The following GTF2B variants were observed in gnomAD, a reference collection of about 807,000 sequenced individuals.
The protein encoded by GTF2B is transcription initiation factor IIB.
In GTF2B, 20 loss-of-function variants were observed where a neutral mutation model predicts 34.6. The ratio of observed to expected loss-of-function variants is 0.58; its 90% confidence interval spans 0.41 to 0.84. The LOEUF is 0.84. Ranked by LOEUF, GTF2B falls within the 40% of genes least tolerant of loss-of-function variation. GTF2B has a pLI of 0.00. For missense variants in GTF2B, 237 were observed against 393.3 expected, an observed-to-expected ratio of 0.60 and a Z score of 3.36; for synonymous variants, 142 against 132.4, an observed-to-expected ratio of 1.07 and a Z score of -0.50.
At chr1:88,880,217 A>T (rs1442283236) in intron 2 of GTF2B, among the ~76,000 whole-genome samples, 1 of 152,254 alleles carries the variant, frequency 6.6e-6, no homozygotes, top group Non-Finnish European at 1.5e-5. Context: ...ATACCAAGAT[A>T]ATTTATTAGG....
chr1:88,890,847 T>C (rs1265942210), intron 1 of GTF2B, among the ~76,000 whole-genome samples: 1 of 152,114 alleles, frequency 6.6e-6, no homozygotes, highest in Non-Finnish European at 1.5e-5. Context: ...TAATTTTCTT[T>C]GGCAAGATTT....
chr1:88,877,625 G>A (rs1441260338), intron 2 of GTF2B, among the ~76,000 whole-genome samples: 3 of 152,186 alleles, frequency 2.0e-5, no homozygotes, highest in Non-Finnish European at 4.4e-5. Flanking sequence ...CCCCACAAAA[G>A]AGTGCTGTTA....
At chr1:88,890,708 G>A (rs977066175) in intron 1 of GTF2B, among the ~76,000 whole-genome samples, 3 of 152,030 alleles carry the variant, frequency 2.0e-5, no homozygotes, top group East Asian at 3.9e-4. Flanking sequence ...ACATAATTAG[G>A]GTCTGCAAGC....
chr1:88,862,600 C>T (rs1042477878), intron 3 of GTF2B, among the ~76,000 whole-genome samples: 1 of 152,148 alleles, frequency 6.6e-6, no homozygotes, highest in East Asian at 1.9e-4. Context: ...GTAATCCCAG[C>T]ACTTTGGGTG....
At chr1:88,875,852 G>C (rs967946100) in intron 2 of GTF2B, among the ~76,000 whole-genome samples, 3 of 152,126 alleles carry the variant, frequency 2.0e-5, no homozygotes, top group Non-Finnish European at 4.4e-5. Context: ...GCTTAACTGA[G>C]ACATATGGTA....
rs1434025935 is a variant in GTF2B, at chr1:88,871,867, G to T, written c.125-7753C>A. Among the ~76,000 whole-genome samples the T allele has an allele frequency of 2.0e-5, 3 of 151,976 alleles. No homozygotes were observed. In the South Asian group the frequency reaches 6.2e-4, roughly 32 times the overall value. ...CTAATTCAGCCTCCCGAGTAGCTGG[G>T]ATTACAGGCATCCACCACCACGCCC... On this transcript the variant is annotated intron_variant, in intron 2 of 6. Coordinates refer to ENST00000370500, the MANE Select transcript of GTF2B (RefSeq NM_001514.6).
At chr1:88,856,287 A>AAAAAAAAAAAAAAAAAAAAG (rs1673309532) in intron 6 of GTF2B, among the ~76,000 whole-genome samples, 1 of 100,984 alleles carries the variant, frequency 9.9e-6, no homozygotes, top group East Asian at 2.1e-4. Flanking sequence ...AAAAAAAAAA[A>AAAAAAAAAAAAAAAAAAAAG]AAACAAAAAA....
intron 2 of GTF2B, among the ~76,000 whole-genome samples, chr1:88,865,469 C>A (rs1673527612): frequency 6.6e-6 from 1 of 152,198 alleles, no homozygotes; most frequent in Admixed American, 6.5e-5. Flanking sequence ...GGCCTGTAAT[C>A]CCAGCACTTT....
At chr1:88,891,452 C>G in intron 1 of GTF2B, 31 bp downstream of exon 1, 3 of 1,589,802 alleles carry the variant, frequency 1.9e-6, no homozygotes, top group Non-Finnish European at 2.6e-6. Flanking sequence ...GCCCGCCCCT[C>G]AGCTCGCCGG....
chr1:88,869,960 C>T (rs1218305348), intron 2 of GTF2B, among the ~76,000 whole-genome samples: 2 of 149,720 alleles, frequency 1.3e-5, no homozygotes, highest in African/African-American at 4.9e-5. Flanking sequence ...TGGAGTTTCG[C>T]CCTGTCACCC....
intron 6 of GTF2B, among the ~76,000 whole-genome samples, chr1:88,855,151 A>G (rs1673274226): frequency 6.6e-6 from 1 of 152,196 alleles, no homozygotes; most frequent in Non-Finnish European, 1.5e-5. Flanking sequence ...CAACTTCTCA[A>G]TTTTACTAAA....
At chr1:88,878,063 G>A (rs764941663) in intron 2 of GTF2B, among the ~76,000 whole-genome samples, 8 of 152,182 alleles carry the variant, frequency 5.3e-5, no homozygotes, top group Non-Finnish European at 8.8e-5. Flanking sequence ...AAGGCCAGAC[G>A]TTCAAGACCA....
intron 1 of GTF2B, among the ~76,000 whole-genome samples, chr1:88,889,232 T>C (rs971204016): frequency 3.4e-4 from 52 of 152,340 alleles, no homozygotes; most frequent in African/African-American, 1.1e-3. Context: ...TTTTAGTCTA[T>C]TGCAATTTTG....
chr1:88,889,117 T>C (rs1674138892), intron 1 of GTF2B, among the ~76,000 whole-genome samples: 1 of 152,220 alleles, frequency 6.6e-6, no homozygotes, highest in Non-Finnish European at 1.5e-5. Context: ...ATACATTTGT[T>C]AAAGCATAAA....
chr1:88,856,007 T>C (rs1299157884), intron 6 of GTF2B, among the ~76,000 whole-genome samples: 1 of 152,140 alleles, frequency 6.6e-6, no homozygotes, highest in African/African-American at 2.4e-5. Flanking sequence ...TGGTGGCTTG[T>C]GCCTATAATC....
chr1:88,855,509 T>A (rs191044390), intron 6 of GTF2B, among the ~76,000 whole-genome samples: 1 of 152,034 alleles, frequency 6.6e-6, no homozygotes, highest in East Asian at 1.9e-4. Flanking sequence ...TGCACCACCA[T>A]GCTGGGCTGA....
chr1:88,853,425 T>C (rs1480502612), intron 6 of GTF2B, 79 bp from the exon 7 acceptor site: 5 of 1,296,932 alleles, frequency 3.9e-6, no homozygotes, highest in South Asian at 2.4e-5. Flanking sequence ...ATTTGTGAGA[T>C]ATGATAGTAT....
At chr1:88,885,636 G>A (rs950795863) in intron 2 of GTF2B, among the ~76,000 whole-genome samples, 2 of 151,960 alleles carry the variant, frequency 1.3e-5, no homozygotes, top group Non-Finnish European at 2.9e-5. Context: ...TGTAATCCCA[G>A]CTACTTGGGA....
At chr1:88,856,292 A>AC (rs1673311074) in intron 6 of GTF2B, among the ~76,000 whole-genome samples, 7 of 53,242 alleles carry the variant, frequency 1.3e-4, no homozygotes, top group Non-Finnish European at 2.4e-4. Flanking sequence ...AAAAAAAAAC[A>AC]AAAAAAAAAA....
Sources: allele counts gnomAD v4.1 joint callset (sites outside exome capture counted in the v4.1 genomes callset), GRCh38; gene constraint gnomAD v4.1.1; transcripts MANE v1.5; gene names NCBI Gene and HGNC (gene_info 2026-07-23, HGNC 2026-07-21).